HEMK2: variants seen among roughly 807,000 people sequenced by gnomAD.
HEMK2 encodes HemK methyltransferase 2, ETF1 glutamine and histone H4 lysine.
chr21:28,765,935 G>C, the HEMK2 span, among the ~76,000 whole-genome samples: 1 of 151,998 alleles, frequency 6.6e-6, no homozygotes, highest in Non-Finnish European at 1.5e-5. Flanking sequence ...TGCAAGAATG[G>C]CCATAATTCA....
At chr21:28,612,795 C>G in the HEMK2 span, among the ~76,000 whole-genome samples, 1 of 152,142 alleles carries the variant, frequency 6.6e-6, no homozygotes, top group African/African-American at 2.4e-5. Context: ...AGCAACCAAG[C>G]TGAGAATCAA....
At chr21:28,789,468 A>G in the HEMK2 span, among the ~76,000 whole-genome samples, 2 of 152,198 alleles carry the variant, frequency 1.3e-5, no homozygotes, top group Admixed American at 1.3e-4. Flanking sequence ...TATGAGGGAA[A>G]GTTATGAAAT....
At chr21:28,751,234 G>GAAAAAAAAAAAA in the HEMK2 span, among the ~76,000 whole-genome samples, 25 of 125,396 alleles carry the variant, frequency 2.0e-4, no homozygotes, top group African/African-American at 7.7e-4. Flanking sequence ...CTGTCTCAAT[G>GAAAAAAAAAAAA]AAAAAAAAAA....
the HEMK2 span, among the ~76,000 whole-genome samples, chr21:28,737,241 C>T: frequency 2.0e-5 from 3 of 152,248 alleles, no homozygotes; most frequent in African/African-American, 2.4e-5. Context: ...TCTTGGGCCT[C>T]GGCCCCCCAA....
chr21:28,712,084 T>C, the HEMK2 span, among the ~76,000 whole-genome samples: 1 of 152,280 alleles, frequency 6.6e-6, no homozygotes, highest in East Asian at 1.9e-4. Context: ...GGACACAAAC[T>C]TTGAGTCCAT....
chr21:28,747,716 C>G, the HEMK2 span, among the ~76,000 whole-genome samples: 10,733 of 152,262 alleles, frequency 0.07, 601 homozygotes, highest in East Asian at 0.16. Context: ...AAATTGTATC[C>G]TTTGCACCAA....
At chr21:28,884,853 T>G in the HEMK2 span, among the ~76,000 whole-genome samples, 1 of 152,202 alleles carries the variant, frequency 6.6e-6, no homozygotes, top group African/African-American at 2.4e-5. Flanking sequence ...TTTAAAAATA[T>G]TAATAAGCAA....
the HEMK2 span, among the ~76,000 whole-genome samples, chr21:28,828,363 C>G: frequency 6.6e-6 from 1 of 152,118 alleles, no homozygotes; most frequent in Non-Finnish European, 1.5e-5. Flanking sequence ...ATTTGAGGGG[C>G]TTTTCTCCTC....
chr21:28,592,414 G>GA, the HEMK2 span, among the ~76,000 whole-genome samples: 1 of 152,300 alleles, frequency 6.6e-6, no homozygotes, highest in African/African-American at 2.4e-5. Flanking sequence ...TGATAAAGAT[G>GA]ATGTCATTAA....
At chr21:28,788,164 A>G in the HEMK2 span, among the ~76,000 whole-genome samples, 1 of 150,216 alleles carries the variant, frequency 6.7e-6, no homozygotes, top group Admixed American at 6.7e-5. Flanking sequence ...GTATACATAT[A>G]TACTCCATCA....
At chr21:28,751,514 G>A in the HEMK2 span, among the ~76,000 whole-genome samples, 24 of 152,286 alleles carry the variant, frequency 1.6e-4, no homozygotes, top group African/African-American at 4.3e-4. Context: ...TATTCCAGAA[G>A]TAGACCAGAA....
chr21:28,603,160 AC>A, the HEMK2 span, among the ~76,000 whole-genome samples: 63 of 152,292 alleles, frequency 4.1e-4, 3 homozygotes, highest in South Asian at 0.012. Context: ...ACTATCCTCA[AC>A]AACTCATTAG....
At chr21:28,873,915 G>T in the HEMK2 span, 4 of 152,298 alleles carry the variant, frequency 2.6e-5, no homozygotes, top group African/African-American at 9.6e-5. Flanking sequence ...TTTGCTAGTG[G>T]GTCACCAGGG....
chr21:28,755,174 G>A, the HEMK2 span, among the ~76,000 whole-genome samples: 1 of 152,218 alleles, frequency 6.6e-6, no homozygotes, highest in South Asian at 2.1e-4. Flanking sequence ...TTTCCAAAAT[G>A]AGAAGGCTAA....
At chr21:28,581,026 A>G in the HEMK2 span, among the ~76,000 whole-genome samples, 2 of 152,098 alleles carry the variant, frequency 1.3e-5, no homozygotes, top group Non-Finnish European at 2.9e-5. Context: ...GTACCCACGA[A>G]TCTTATTTTT....
chr21:28,757,508 A>G, the HEMK2 span, among the ~76,000 whole-genome samples: 36 of 152,298 alleles, frequency 2.4e-4, 1 homozygote, highest in African/African-American at 7.2e-4. Flanking sequence ...AAGCCCAGGT[A>G]AAGACAACAA....
At chr21:28,585,100 G>A in the HEMK2 span, among the ~76,000 whole-genome samples, 16 of 152,146 alleles carry the variant, frequency 1.1e-4, 1 homozygote, top group Admixed American at 7.2e-4. Flanking sequence ...GGGAGGCTAA[G>A]GCAGGTGGAT....
At chr21:28,819,691 C>T in the HEMK2 span, among the ~76,000 whole-genome samples, 9 of 151,644 alleles carry the variant, frequency 5.9e-5, no homozygotes, top group Non-Finnish European at 1.2e-4. Flanking sequence ...GGACTACAGG[C>T]GCGGGTGCCA....
the HEMK2 span, among the ~76,000 whole-genome samples, chr21:28,738,830 T>C: frequency 1.3e-5 from 2 of 152,218 alleles, no homozygotes; most frequent in East Asian, 3.8e-4. Context: ...AGAGGCCAAC[T>C]TCAGCACATG....
Sources: allele counts gnomAD v4.1 joint callset (sites outside exome capture counted in the v4.1 genomes callset), GRCh38; gene constraint gnomAD v4.1.1; transcripts MANE v1.5; gene names NCBI Gene and HGNC (gene_info 2026-07-23, HGNC 2026-07-21).